Variants in NEK11 observed in about 807,000 individuals in gnomAD.
The protein encoded by NEK11 is NIMA related kinase 11, also known as serine/threonine-protein kinase Nek11.
In NEK11, 72 loss-of-function variants were observed where a neutral mutation model predicts 80.7. The ratio of observed to expected loss-of-function variants is 0.89; its 90% confidence interval spans 0.74 to 1.08. NEK11 has a LOEUF of 1.08. NEK11 is among the 50% of genes least tolerant of loss of function. The pLI, the probability that NEK11 is intolerant of heterozygous loss-of-function variation, is 0.00. For missense variants in NEK11, 764 were observed against 763.6 expected (o/e 1.00, Z -0.01); for synonymous variants, 251 against 260.7 (o/e 0.96, Z 0.36).
chr3:131,261,399 A>C (rs1404817286), intron 16 of NEK11, among the ~76,000 whole-genome samples: 2 of 152,224 alleles, frequency 1.3e-5, no homozygotes, highest in Non-Finnish European at 2.9e-5. Flanking sequence ...TAATGCTCAT[A>C]ACATTTACTG....
intron 16 of NEK11, among the ~76,000 whole-genome samples, chr3:131,244,040 T>A (rs1303455889): frequency 6.6e-6 from 1 of 152,014 alleles, no homozygotes; most frequent in African/African-American, 2.4e-5. Flanking sequence ...AGATACACTC[T>A]AGCACTAGAT....
chr3:131,201,685 A>C (rs960517004), intron 14 of NEK11, among the ~76,000 whole-genome samples: 1 of 151,310 alleles, frequency 6.6e-6, no homozygotes, highest in Non-Finnish European at 1.5e-5. Context: ...TTCTCTGAGC[A>C]AATGCTAAAC....
intron 14 of NEK11, among the ~76,000 whole-genome samples, chr3:131,207,799 A>T (rs2094489531): frequency 6.6e-6 from 1 of 151,958 alleles, no homozygotes; most frequent in African/African-American, 2.4e-5. Context: ...CTTTGCCCAC[A>T]TTTGATGGGG....
chr3:131,320,043 G>C (rs1487780943), intron 17 of NEK11, among the ~76,000 whole-genome samples: 1 of 151,922 alleles, frequency 6.6e-6, no homozygotes, highest in African/African-American at 2.4e-5. Flanking sequence ...ATTCCATATA[G>C]CTCAACATAA....
chr3:131,080,330 C>T (rs1331061604), intron 3 of NEK11, 93 bp from the exon 4 acceptor site: 5 of 893,656 alleles, frequency 5.6e-6, no homozygotes. Context: ...AGGTCACAAC[C>T]TGGGCATTAA....
intron 14 of NEK11, among the ~76,000 whole-genome samples, chr3:131,180,099 T>C (rs1369098550): frequency 6.6e-6 from 1 of 152,190 alleles, no homozygotes; most frequent in African/African-American, 2.4e-5. Flanking sequence ...TGGCTTTCAA[T>C]GTTCCCACAA....
At chr3:131,129,094 C>T (rs543024745) in intron 5 of NEK11, among the ~76,000 whole-genome samples, 319 of 131,010 alleles carry the variant, frequency 2.4e-3, no homozygotes, top group African/African-American at 8.5e-3. Context: ...CGCTCTGTCA[C>T]GCAGGCGTGT....
At chr3:131,083,429 TTGCCACTTCCC>T (rs1424020860) in intron 4 of NEK11, among the ~76,000 whole-genome samples, 1 of 152,184 alleles carries the variant, frequency 6.6e-6, no homozygotes, top group African/African-American at 2.4e-5. Flanking sequence ...AGCTGGCAGG[TTGCCACTTCCC>T]TGGACTCCTG....
In NEK11 at chr3:131,113,818, G is replaced by A. The variant is rs369640106; in HGVS notation, c.455+3897G>A. ...TCCCAGCTACTTGGAGGCTGAGGCA[G>A]GAGAATGGCTTGAACCTGGGAGGTG... On this transcript the variant is annotated intron_variant, in intron 5 of 17. Coordinates refer to ENST00000383366, the MANE Select transcript of NEK11 (RefSeq NM_024800.5). 2.9e-3 allele frequency among the ~76,000 whole-genome samples: 431 copies of A among 151,184 alleles called. 9 individuals carry two copies. In the South Asian group the frequency reaches 0.031, roughly 11 times the overall value.
intron 16 of NEK11, among the ~76,000 whole-genome samples, chr3:131,255,933 G>A (rs78262804): frequency 0.065 from 9,868 of 152,158 alleles, 473 homozygotes; most frequent in Non-Finnish European, 0.1. Flanking sequence ...ATTTTCTATC[G>A]ATAAATGCTG....
chr3:131,193,263 A>G (rs1386734948), intron 14 of NEK11, among the ~76,000 whole-genome samples: 1 of 152,084 alleles, frequency 6.6e-6, no homozygotes, highest in Non-Finnish European at 1.5e-5. Context: ...TATTTAGTCT[A>G]TTGTGATATT....
At chr3:131,242,378 A>G (rs2095533007) in intron 15 of NEK11, among the ~76,000 whole-genome samples, 1 of 152,136 alleles carries the variant, frequency 6.6e-6, no homozygotes, top group Non-Finnish European at 1.5e-5. Context: ...GGCTGAGATG[A>G]CTGAAGGCTG....
intron 17 of NEK11, among the ~76,000 whole-genome samples, chr3:131,282,742 G>GGAAGATCTAAACAGAACATGAGAAC (rs2096416291): frequency 7.1e-6 from 1 of 140,432 alleles, no homozygotes; most frequent in African/African-American, 3.3e-5. Flanking sequence ...AACATGAGAA[G>GGAAGATCTAAACAGAACATGAGAAC]TCCATGATCT....
intron 16 of NEK11, among the ~76,000 whole-genome samples, chr3:131,257,594 A>G (rs2095839851): frequency 6.6e-6 from 1 of 152,204 alleles, no homozygotes; most frequent in Admixed American, 6.6e-5. Flanking sequence ...ATAGAAGCTA[A>G]GGAGTACATG....
chr3:131,027,348 C>T (rs775864800), intron 1 of NEK11: 1 of 152,164 alleles, frequency 6.6e-6, no homozygotes, highest in South Asian at 2.1e-4. Flanking sequence ...TACTGGTTTT[C>T]AACTTGTGAT....
chr3:131,152,354 G>A (rs1333481465), intron 7 of NEK11, 34 bp from the exon 8 acceptor site: 1 of 1,556,242 alleles, frequency 6.4e-7, no homozygotes, highest in South Asian at 1.2e-5. Flanking sequence ...TAGGATATTT[G>A]TTCCTTATTT....
intron 3 of NEK11, among the ~76,000 whole-genome samples, chr3:131,065,042 G>A (rs1031299353): frequency 1.3e-5 from 2 of 152,154 alleles, no homozygotes; most frequent in Admixed American, 1.3e-4. Flanking sequence ...TACAAGGAAG[G>A]AACTTTACAA....
Position 131,152,540 on chromosome 3 carries a change from A to C in NEK11, c.797+3A>C, listed in dbSNP as rs1402325602. 9.3e-6 allele frequency: 15 copies of C among 1,612,306 alleles called. No homozygotes were observed. Among genetic ancestry groups the C allele is most frequent in the Non-Finnish European group, 1.3e-5 (15 of 1,179,172 alleles). On this transcript the variant is annotated splice_donor_region_variant and intron_variant, in intron 8 of 17. Coordinates refer to ENST00000383366, the MANE Select transcript of NEK11 (RefSeq NM_024800.5). ...GAACTAAATGCCATCATGGAAAGGT[A>C]TAGAAATAAACATGTTGTCACAGAA...
At chr3:131,325,405 G>C (rs1381525582) in intron 17 of NEK11, 1 of 151,806 alleles carries the variant, frequency 6.6e-6, no homozygotes, top group African/African-American at 2.4e-5. Context: ...ATTCTTGGTG[G>C]TGATAAACAC....
Sources: allele counts gnomAD v4.1 joint callset (sites outside exome capture counted in the v4.1 genomes callset), GRCh38; gene constraint gnomAD v4.1.1; transcripts MANE v1.5; gene names NCBI Gene and HGNC (gene_info 2026-07-23, HGNC 2026-07-21).